The following PIGV variants were observed in gnomAD, a reference collection of about 807,000 sequenced individuals.
PIGV encodes GPI alpha-1,6-mannosyltransferase 2.
Under a neutral mutation model 39.2 loss-of-function variants are expected in PIGV, and 27 were observed. The observed-to-expected ratio is 0.69, with a 90% CI of 0.51 to 0.95. The LOEUF (loss-of-function observed/expected upper bound fraction) is 0.95. Among genes scored for constraint, PIGV ranks in the 40% least tolerant of loss-of-function variants. The probability of loss-of-function intolerance (pLI) is 0.00; values close to 1 mark genes in which losing one functional copy is unlikely to be tolerated. For synonymous variants in PIGV, 232 were observed against 241.7 expected, an observed-to-expected ratio of 0.96 and a Z score of 0.37; for missense variants, 523 against 586.4, an observed-to-expected ratio of 0.89 and a Z score of 1.12.
Position 26,793,205 on chromosome 1 carries a change from TAAAA to T in PIGV, c.79-904_79-901del, listed in dbSNP as rs2081334838. On this transcript the variant is annotated intron_variant, in intron 2 of 3. Transcript: ENST00000674202. ...GCATACAAACCTTTACCTCCCACCT[TAAAA>T]AAAGTTTTCACTTTACCCCACATTG... Among the ~76,000 whole-genome samples the T allele has an allele frequency of 2.0e-5, 3 of 152,228 alleles. No individual in the cohort carries two copies. The East Asian group carries it at 5.8e-4, about 29-fold the overall frequency.
At chr1:26,791,840 C>G (rs2081313114) in intron 2 of PIGV, among the ~76,000 whole-genome samples, 1 of 152,144 alleles carries the variant, frequency 6.6e-6, no homozygotes, top group South Asian at 2.1e-4. Context: ...AGTTAAAAAG[C>G]CTTAAAAATG....
rs989769325 is a variant in PIGV at position 26,799,448 on chromosome 1, T to C, written c.*1604T>C. On this transcript the variant is annotated 3_prime_UTR_variant, in exon 4 of 4. Transcript: ENST00000674202. ...CGAGAGTTTGGCTCTGTATCATCCA[T>C]CACCTCTTTTATTTCCCATTTAAGC... Among the ~76,000 whole-genome samples, 3 of 152,218 alleles carry C rather than the reference T, an allele frequency of 2.0e-5. No individual in the cohort carries two copies. Among genetic ancestry groups the C allele is most frequent in the African/African-American group, 7.2e-5 (3 of 41,456 alleles).
intron 2 of PIGV, among the ~76,000 whole-genome samples, chr1:26,791,661 G>A (rs554409734): frequency 6.6e-6 from 1 of 152,214 alleles, no homozygotes; most frequent in East Asian, 1.9e-4. Flanking sequence ...TCCCTTTGTG[G>A]AAACTTTCCT....
In PIGV at chr1:26,795,190, G is replaced by A. The variant is rs1430247948; in HGVS notation, c.1156G>A (p.Ala386Thr). The A allele has an allele frequency of 1.9e-6, 3 of 1,613,944 alleles. No homozygotes were observed. The highest frequency in any genetic ancestry group is 2.5e-6 in the Non-Finnish European group (3 of 1,180,022). Residue 386 changes from alanine to threonine, a missense_variant, in exon 3 of 4, where the codon GCT becomes ACT. Physicochemically the swap from Ala to Thr is moderately conservative, Grantham distance 58. Transcript: ENST00000674202. ...SPQVFVYVVH[A>T]AVLLLFGGLC... ...TCAGGTGTTTGTGTACGTGGTCCAC[G>A]CTGCAGTGCTGCTGCTGTTTGGAGG... is the stretch of plus-strand genomic sequence containing the variant.
Position 26,795,139 on chromosome 1 carries a change from A to G in PIGV, c.1105A>G (p.Lys369Glu). The part of the protein sequence containing the change: ...QRSKNNKTLE[K>E]PDLGFLSPQV... ...GAGCAAGAACAATAAGACCCTAGAGAAGCCCGATCTTGGATTCCTCAGTCC... is the reference window on the plus strand; with the variant it reads ...GAGCAAGAACAATAAGACCCTAGAGGAGCCCGATCTTGGATTCCTCAGTCC... The change falls in exon 3 of 4, where the codon AAG becomes GAG. Residue 369 changes from lysine (K) to glutamate (E), a missense_variant. Transcript: ENST00000674202. 4 of 1,614,076 alleles carry G rather than the reference A, an allele frequency of 2.5e-6. No homozygotes were observed. Among genetic ancestry groups the G allele is most frequent in the Non-Finnish European group, 3.4e-6 (4 of 1,180,010 alleles).
rs1266502448 is a variant in PIGV at position 26,800,541 on chromosome 1, C to T, written c.*2697C>T. Among the ~76,000 whole-genome samples the T allele has an allele frequency of 6.6e-6, 1 of 152,026 alleles. No homozygotes were observed. The highest frequency in any genetic ancestry group is 1.5e-5 in the Non-Finnish European group (1 of 68,004). ...AAAATGTTACTTTTATTGAATAGAC[C>T]CTCTCACTGTCATCTGAAAATGTAA... is the stretch of plus-strand genomic sequence containing the variant. On this transcript the variant is annotated 3_prime_UTR_variant, in exon 4 of 4. Coordinates refer to ENST00000674202, the MANE Select transcript of PIGV (RefSeq NM_017837.4).
Position 26,797,700 on chromosome 1 carries a change from A to G in PIGV, c.1338A>G (p.Gly446=). ...WKPLAEDSPP[G]QKVPRNPIMG... is the part of the protein sequence containing the mutation. ...CTCTTGCAGAGGACTCCCCACCAGG[A>G]CAAAAGGTCCCCAGAAATCCTATCA... The change falls in exon 4 of 4, where the codon GGA becomes GGG. Residue 446 remains glycine (G), a synonymous_variant. Transcript: ENST00000674202. 6.2e-7 allele frequency: 1 copy of G among 1,614,186 alleles called. No individual in the cohort carries two copies. The highest frequency in any genetic ancestry group is 8.5e-7 in the Non-Finnish European group (1 of 1,180,030).
At position 26,794,718 on chromosome 1, in the gene PIGV, G is replaced by A. The variant is rs551364712; in HGVS notation, c.684G>A (p.Leu228=). Residue 228 remains leucine (L), a synonymous_variant, in exon 3 of 4, where the codon CTG becomes CTA. Coordinates refer to ENST00000674202, the MANE Select transcript of PIGV (RefSeq NM_017837.4). Reference sequence around the variant, plus strand: ...GCTTTTTCTCTTCTCTAACGATGCTGAATCCTCTGAGACAGCTCTTTAAGC... The same window carrying A: ...GCTTTTTCTCTTCTCTAACGATGCTAAATCCTCTGAGACAGCTCTTTAAGC... The part of the protein sequence containing the change: ...CQGFFSSLTM[L]NPLRQLFKLM... 1.4e-4 allele frequency: 223 copies of A among 1,614,210 alleles called. 2 individuals are homozygous for A. The South Asian group carries it at 2.1e-3, about 15-fold the overall frequency.
Position 26,799,213 on chromosome 1 carries a change from G to A in PIGV, c.*1369G>A, listed in dbSNP as rs568599498. Among the ~76,000 whole-genome samples the A allele has an allele frequency of 1.3e-5, 2 of 152,256 alleles. No homozygotes were observed. Among genetic ancestry groups the A allele is most frequent in the South Asian group, 2.1e-4 (1 of 4,814 alleles). ...TGGCAGATAAGGTGCCTGTTGTGCC[G>A]TTCTCAGATGCCTGCTTACTTGATC... On this transcript the variant is annotated 3_prime_UTR_variant, in exon 4 of 4. Transcript: ENST00000674202.
intron 1 of PIGV, among the ~76,000 whole-genome samples, chr1:26,789,649 G>A (rs530687630): frequency 5.3e-5 from 8 of 152,290 alleles, no homozygotes; most frequent in Admixed American, 1.3e-4. Flanking sequence ...TAGCAATAAC[G>A]GCAATAGGGC....
intron 2 of PIGV, among the ~76,000 whole-genome samples, chr1:26,792,262 C>T (rs2081319585): frequency 6.6e-6 from 1 of 152,066 alleles, no homozygotes; most frequent in Admixed American, 6.5e-5. Context: ...AAATGATTCT[C>T]CCTCCTCAGG....
chr1:26,794,592 G>A lies in PIGV; in HGVS notation c.558G>A (p.Arg186=), dbSNP rs2124195116. Residue 186 remains arginine, a synonymous_variant, in exon 3 of 4, where the codon AGG becomes AGA. Coordinates refer to ENST00000674202, the MANE Select transcript of PIGV (RefSeq NM_017837.4). ...TCAGTGCCATGGGGCAGCTGGAGAG[G>A]GGCCGAGTCTGGACTAGTGTACTCC... The part of the protein sequence containing the change: ...LTFSAMGQLE[R]GRVWTSVLLF... 1 of 1,614,220 alleles carries A rather than the reference G, an allele frequency of 6.2e-7. No individual in the cohort carries two copies. The highest frequency in any genetic ancestry group is 1.1e-5 in the South Asian group (1 of 91,086).
In PIGV at chr1:26,794,473, C is replaced by G. The variant is rs185641230; in HGVS notation, c.439C>G (p.Gln147Glu). ...TTGTCTGGTTTTGCACTGTCCCCAC[C>G]AGTCCTTTTATGCAGCTCTGCTTTT... The part of the protein sequence containing the change: ...LGCLVLHCPH[Q>E]SFYAALLFCL... Residue 147 changes from glutamine (Q) to glutamate (E), a missense_variant, in exon 3 of 4, where the codon CAG becomes GAG. Gln to Glu is a conservative substitution (Grantham distance 29, BLOSUM62 2). Transcript: ENST00000674202. The G allele has an allele frequency of 6.2e-7, 1 of 1,614,240 alleles. No homozygotes were observed. The highest frequency in any genetic ancestry group is 8.5e-7 in the Non-Finnish European group (1 of 1,180,044).
chr1:26,797,748 A>T lies in PIGV; in HGVS notation c.1386A>T (p.Lys462Asn), dbSNP rs2124208454. The change falls in exon 4 of 4, where the codon AAA (lysine) becomes AAT (asparagine). Residue 462 changes from lysine to asparagine, a missense_variant. By Grantham distance (94) the Lys-to-Asn change is moderately conservative. Coordinates refer to ENST00000674202, the MANE Select transcript of PIGV (RefSeq NM_017837.4). ...TCATGGGACTTTTGTATCACTGGAA[A>T]ACCTGTTCTCCAGTCACACGATACA... ...NPIMGLLYHWKTCSPVTRYIL... is the reference protein window; with the variant it reads ...NPIMGLLYHWNTCSPVTRYIL... The T allele has an allele frequency of 6.2e-7, 1 of 1,614,068 alleles. No homozygotes were observed. The highest frequency in any genetic ancestry group is 8.5e-7 in the Non-Finnish European group (1 of 1,179,958).
chr1:26,793,287 A>G (rs2081335907), intron 2 of PIGV, among the ~76,000 whole-genome samples: 1 of 152,008 alleles, frequency 6.6e-6, no homozygotes, highest in Non-Finnish European at 1.5e-5. Flanking sequence ...AAACTCCTCA[A>G]AGTTTCTTTT....
At position 26,799,802 on chromosome 1, in the gene PIGV, C is replaced by T. The variant is rs1342714917; in HGVS notation, c.*1958C>T. On this transcript the variant is annotated 3_prime_UTR_variant, in exon 4 of 4. Transcript: ENST00000674202. ...GACACCAAGTGCCCTTCTTGGCAAA[C>T]GATGATCACCCCTGCCCTAGTGTCC... Among the ~76,000 whole-genome samples the T allele has an allele frequency of 2.6e-5, 4 of 152,206 alleles. No homozygotes were observed. The highest frequency in any genetic ancestry group is 9.7e-5 in the African/African-American group (4 of 41,444).
intron 1 of PIGV, 67 bp downstream of exon 1, chr1:26,788,335 G>A (rs1030445317): frequency 6.6e-6 from 1 of 152,378 alleles, no homozygotes; most frequent in African/African-American, 2.4e-5. Context: ...AACGGGTTGC[G>A]GACACGGCTG....
Position 26,797,585 on chromosome 1 carries a change from C to A in PIGV, c.1223C>A (p.Ser408Tyr). Residue 408 changes from serine to tyrosine, a missense_variant, in exon 4 of 4, where the codon TCC becomes TAC. By Grantham distance (144) the Ser-to-Tyr change is moderately radical (BLOSUM62 -2). Transcript: ENST00000674202. ...TAGGTTCTCACCAGGTTTTTGGGCT[C>A]CTCCACTCCTATTATGTACTGGTTT... ...HVQVLTRFLG[S>Y]STPIMYWFPA... 1 of 1,614,108 alleles carries A rather than the reference C, an allele frequency of 6.2e-7. No individual in the cohort carries two copies. The highest frequency in any genetic ancestry group is 2.2e-5 in the East Asian group (1 of 44,884).
At chr1:26,789,714 A>G (rs568492535) in intron 1 of PIGV, among the ~76,000 whole-genome samples, 1 of 152,214 alleles carries the variant, frequency 6.6e-6, no homozygotes, top group Non-Finnish European at 1.5e-5. Context: ...AATTCCAGAA[A>G]CAAGTGATAC....
Sources: gnomAD v4.1 joint callset for allele counts (sites outside exome capture counted in the v4.1 genomes callset) on GRCh38, gnomAD v4.1.1 for gene constraint, MANE v1.5 for transcripts, NCBI Gene and HGNC (gene_info 2026-07-23, HGNC 2026-07-21) for gene names.